CPPED1: variants seen among roughly 807,000 people sequenced by gnomAD.
CPPED1 encodes calcineurin like phosphoesterase domain containing 1.
CPPED1 carries 28 observed loss-of-function variants against 28.0 expected under a neutral mutation model. That is an observed-to-expected ratio of 1.00 (90% CI 0.74 to 1.37). The LOEUF is 1.37. Ranked by LOEUF, CPPED1 falls within the 40% of genes most tolerant of loss-of-function variation. The pLI is 0.00. For synonymous variants in CPPED1, 198 were observed against 180.2 expected, an observed-to-expected ratio of 1.10 and a Z score of -0.79; for missense variants, 504 against 416.5, an observed-to-expected ratio of 1.21 and a Z score of -1.83.
chr16:12,668,510 C>A (rs1312428395), intron 3 of CPPED1, among the ~76,000 whole-genome samples: 1 of 152,136 alleles, frequency 6.6e-6, no homozygotes, highest in African/African-American at 2.4e-5. Context: ...ATCAAAATTA[C>A]CAACTTTTGT....
intron 2 of CPPED1, among the ~76,000 whole-genome samples, chr16:12,736,097 G>C (rs143963510): frequency 1.2e-3 from 183 of 152,306 alleles, no homozygotes; most frequent in African/African-American, 3.9e-3. Flanking sequence ...CTTTGTAAGG[G>C]TGAGCAGGGC....
At chr16:12,667,055 G>A (rs555295420) in intron 3 of CPPED1, among the ~76,000 whole-genome samples, 4 of 152,154 alleles carry the variant, frequency 2.6e-5, no homozygotes, top group Non-Finnish European at 5.9e-5. Flanking sequence ...GGTCCTGAAC[G>A]GGGGTGGGGG....
rs1261069954 is a variant in CPPED1, at chr16:12,803,730, C to A, written c.47G>T (p.Arg16Met). ...ACCTGCGGGAAACGCGGCCAGGGTCCTGCCCCTGGCTCTGTGGAAAACACC... is the reference window on the plus strand; with the variant it reads ...ACCTGCGGGAAACGCGGCCAGGGTCATGCCCCTGGCTCTGTGGAAAACACC... ...AGGVFHRARG[R>M]TLAAFPAEKE... is the part of the protein sequence containing the mutation. Residue 16 changes from arginine to methionine, a missense_variant, in exon 1 of 4, where the codon AGG (arginine) becomes ATG (methionine). By Grantham distance (91) the Arg-to-Met change is moderately conservative (BLOSUM62 -1). Coordinates refer to ENST00000381774, the MANE Select transcript of CPPED1 (RefSeq NM_018340.3). 6.3e-6 allele frequency: 10 copies of A among 1,592,514 alleles called. No individual in the cohort carries two copies. Among genetic ancestry groups the A allele is most frequent in the Non-Finnish European group, 8.5e-6 (10 of 1,171,116 alleles).
In CPPED1 at chr16:12,728,232, G is replaced by A. The variant is rs150816872; in HGVS notation, c.290-23183C>T. Reference sequence around the variant, plus strand: ...AGCAATGATCATAAGGGAATTCAGTGTAAGAGAGGGGAGAAATGTATTACG... The same window carrying A: ...AGCAATGATCATAAGGGAATTCAGTATAAGAGAGGGGAGAAATGTATTACG... On this transcript the variant is annotated intron_variant, in intron 2 of 3. Coordinates refer to ENST00000381774, the MANE Select transcript of CPPED1 (RefSeq NM_018340.3). Among the ~76,000 whole-genome samples the A allele has an allele frequency of 3.0e-3, 451 of 152,270 alleles. 2 individuals carry two copies. Among genetic ancestry groups the A allele is most frequent in the African/African-American group, 0.01 (433 of 41,542 alleles).
intron 3 of CPPED1, among the ~76,000 whole-genome samples, chr16:12,687,383 C>T (rs913499383): frequency 1.3e-5 from 2 of 152,188 alleles, no homozygotes; most frequent in African/African-American, 4.8e-5. Flanking sequence ...CTCCCCACTG[C>T]ACCAGAGGGT....
chr16:12,704,692 T>C lies in CPPED1; in HGVS notation c.647A>G (p.Asp216Gly), dbSNP rs767019120. The C allele has an allele frequency of 5.6e-6, 9 of 1,614,208 alleles. No individual in the cohort carries two copies. The highest frequency in any genetic ancestry group is 1.1e-5 in the South Asian group (1 of 91,074). ...IPLFLESIDE[D>G]DDYYFNLSKS... ...GCTGAGGTTGAAGTAGTAGTCGTCG[T>C]CCTCGTCGATGCTCTCCAGGAACAG... The change falls in exon 3 of 4, where the codon GAC (aspartate) becomes GGC (glycine). Residue 216 changes from aspartate (D) to glycine (G), a missense_variant. Asp to Gly is a moderately conservative substitution (Grantham distance 94). Coordinates refer to ENST00000381774, the MANE Select transcript of CPPED1 (RefSeq NM_018340.3).
chr16:12,676,111 T>C (rs2079876404), intron 3 of CPPED1, among the ~76,000 whole-genome samples: 1 of 152,208 alleles, frequency 6.6e-6, no homozygotes, highest in Non-Finnish European at 1.5e-5. Flanking sequence ...GCATATTTGC[T>C]CACTCTCATC....
chr16:12,802,887 G>C (rs1465394289), intron 1 of CPPED1, among the ~76,000 whole-genome samples: 1 of 152,186 alleles, frequency 6.6e-6, no homozygotes, highest in African/African-American at 2.4e-5. Context: ...GTGGACACAA[G>C]CCTGATCATA....
intron 3 of CPPED1, among the ~76,000 whole-genome samples, chr16:12,695,884 A>G (rs1263230124): frequency 6.6e-6 from 1 of 152,206 alleles, no homozygotes; most frequent in Non-Finnish European, 1.5e-5. Flanking sequence ...TAAACTGTGA[A>G]CTTTAATTTG....
chr16:12,764,423 G>A (rs1198267884), intron 2 of CPPED1, among the ~76,000 whole-genome samples: 2 of 151,958 alleles, frequency 1.3e-5, no homozygotes, highest in African/African-American at 2.4e-5. Context: ...GGCTGGTCTC[G>A]AATTCCTGAG....
At chr16:12,774,089 G>A (rs1430849781) in intron 2 of CPPED1, among the ~76,000 whole-genome samples, 1 of 152,150 alleles carries the variant, frequency 6.6e-6, no homozygotes, top group Admixed American at 6.6e-5. Flanking sequence ...TATTTTTTCA[G>A]GTGAGAAGAA....
intron 3 of CPPED1, among the ~76,000 whole-genome samples, chr16:12,694,388 C>A (rs1014280818): frequency 1.3e-5 from 2 of 152,118 alleles, no homozygotes; most frequent in African/African-American, 2.4e-5. Flanking sequence ...CATTTACACA[C>A]GCCAGATTCT....
At chr16:12,719,369 C>T (rs1210619909) in intron 2 of CPPED1, among the ~76,000 whole-genome samples, 6 of 145,358 alleles carry the variant, frequency 4.1e-5, no homozygotes, top group East Asian at 2.0e-4. Flanking sequence ...CTGGCCTGGG[C>T]GAAAGAGCGA....
chr16:12,766,403 G>A (rs948611445), intron 2 of CPPED1, among the ~76,000 whole-genome samples: 1 of 151,708 alleles, frequency 6.6e-6, no homozygotes, highest in Non-Finnish European at 1.5e-5. Context: ...ACAGCTTCAC[G>A]TGGCTGGGAG....
At chr16:12,705,193 G>C in intron 2 of CPPED1, 144 bp from the exon 3 acceptor site, 1 of 881,892 alleles carries the variant, frequency 1.1e-6, no homozygotes, top group South Asian at 1.8e-5. Flanking sequence ...GCAAAATGCA[G>C]TCACGTGCTA....
chr16:12,713,724 T>C (rs2080092269), intron 2 of CPPED1, among the ~76,000 whole-genome samples: 1 of 152,184 alleles, frequency 6.6e-6, no homozygotes, highest in Admixed American at 6.5e-5. Flanking sequence ...TTTTTCATTA[T>C]TGCTGCCCCC....
chr16:12,784,121 T>C (rs1176263397), intron 1 of CPPED1, among the ~76,000 whole-genome samples: 1 of 152,226 alleles, frequency 6.6e-6, no homozygotes, highest in Non-Finnish European at 1.5e-5. Context: ...ACCATGACTT[T>C]CATCTCTTTC....
At chr16:12,694,921 G>T (rs2079982308) in intron 3 of CPPED1, among the ~76,000 whole-genome samples, 1 of 152,026 alleles carries the variant, frequency 6.6e-6, no homozygotes, top group African/African-American at 2.4e-5. Flanking sequence ...GTGATTACAG[G>T]TGTGCGCCAC....
chr16:12,729,816 T>C (rs2080188279), intron 2 of CPPED1, among the ~76,000 whole-genome samples: 1 of 152,204 alleles, frequency 6.6e-6, no homozygotes, highest in South Asian at 2.1e-4. Context: ...CCACAGAATT[T>C]GGAAACTGGA....
Sources: allele counts gnomAD v4.1 joint callset (sites outside exome capture counted in the v4.1 genomes callset), GRCh38; gene constraint gnomAD v4.1.1; transcripts MANE v1.5; gene names NCBI Gene and HGNC (gene_info 2026-07-23, HGNC 2026-07-21).